The following GOLGA1 variants were observed in gnomAD, a reference collection of about 807,000 sequenced individuals.
GOLGA1 encodes golgin subfamily A member 1.
Under a neutral mutation model 119.7 loss-of-function variants are expected in GOLGA1, and 63 were observed. The ratio of observed to expected loss-of-function variants is 0.53; its 90% CI spans 0.43 to 0.65. The LOEUF (loss-of-function observed/expected upper bound fraction) is 0.65, where lower values mean the gene tolerates loss of function less well. Ranked by LOEUF, GOLGA1 falls within the 30% of genes least tolerant of loss-of-function variation. GOLGA1 has a pLI of 0.00. For missense variants in GOLGA1, 798 were observed against 912.8 expected, an observed-to-expected ratio of 0.87 and a Z score of 1.62; for synonymous variants, 318 against 333.4, an observed-to-expected ratio of 0.95 and a Z score of 0.50.
intron 19 of GOLGA1, among the ~76,000 whole-genome samples, chr9:124,885,110 C>T (rs1379386111): frequency 3.9e-5 from 6 of 152,130 alleles, no homozygotes; most frequent in African/African-American, 1.4e-4. Flanking sequence ...GGGCAGATCA[C>T]GAGGTCAAGA....
rs887000059 is a variant in GOLGA1, at chr9:124,879,610, G to A, written c.*920C>T. Reference sequence around the variant, plus strand: ...AGCACAGAATCAAGACAAAGCACACGAGATCCCACTGCACTTCAGAGGGAG... The same window carrying A: ...AGCACAGAATCAAGACAAAGCACACAAGATCCCACTGCACTTCAGAGGGAG... On this transcript the variant is annotated 3_prime_UTR_variant, in exon 23 of 23. Transcript: ENST00000373555. 1 of 151,224 alleles carries A rather than the reference G, an allele frequency of 6.6e-6. No homozygotes were observed. Among genetic ancestry groups the A allele is most frequent in the Non-Finnish European group, 1.5e-5 (1 of 67,906 alleles). 9.4% of individuals were successfully genotyped at this position (151,224 alleles called of 1,614,324 possible).
At chr9:124,911,258 G>A (rs1438680042) in intron 11 of GOLGA1, among the ~76,000 whole-genome samples, 2 of 152,188 alleles carry the variant, frequency 1.3e-5, no homozygotes, top group Non-Finnish European at 2.9e-5. Context: ...AAACCCTGAA[G>A]TACAACCAGT....
chr9:124,921,514 G>A (rs1830568905), intron 9 of GOLGA1, among the ~76,000 whole-genome samples: 1 of 152,194 alleles, frequency 6.6e-6, no homozygotes, highest in Admixed American at 6.5e-5. Flanking sequence ...TCAGCAGGGT[G>A]GAACTGTCCT....
upstream of GOLGA1, among the ~76,000 whole-genome samples, chr9:124,941,975 T>C (rs1831045074): frequency 6.6e-6 from 1 of 152,080 alleles, no homozygotes; most frequent in Non-Finnish European, 1.5e-5. Context: ...AAAACTATCT[T>C]GTTCCAAGTC....
chr9:124,931,268 G>A, intron 4 of GOLGA1, 48 bp downstream of exon 4: 1 of 866,854 alleles, frequency 1.2e-6, no homozygotes, highest in Non-Finnish European at 2.0e-6. Flanking sequence ...AGAGAGTCAA[G>A]CAAGGCAAGT....
At chr9:124,913,420 T>C (rs535171513) in intron 10 of GOLGA1, among the ~76,000 whole-genome samples, 2 of 152,328 alleles carry the variant, frequency 1.3e-5, no homozygotes, top group East Asian at 3.9e-4. Context: ...CTTGTACCTC[T>C]TTACATGTAC....
intron 10 of GOLGA1, among the ~76,000 whole-genome samples, chr9:124,915,675 T>A (rs755908525): frequency 2.6e-5 from 4 of 152,058 alleles, no homozygotes; most frequent in Non-Finnish European, 1.5e-5. Flanking sequence ...CACAGGGAGA[T>A]CTTTTCTCTA....
upstream of GOLGA1, chr9:124,943,996 A>G (rs1011870161): frequency 1.3e-4 from 20 of 152,346 alleles, no homozygotes; most frequent in African/African-American, 4.6e-4. Flanking sequence ...AAACTCTACT[A>G]TGAAAATGTT....
At chr9:124,906,221 G>C (rs1210465455) in intron 12 of GOLGA1, among the ~76,000 whole-genome samples, 1 of 151,414 alleles carries the variant, frequency 6.6e-6, no homozygotes, top group Non-Finnish European at 1.5e-5. Context: ...ATCACCTAAG[G>C]TCAGGAGTTT....
At position 124,933,413 on chromosome 9, in the gene GOLGA1, ATTAT is replaced by A. The variant is rs373483012; in HGVS notation, c.136-2011_136-2008del. 1.6e-3 allele frequency among the ~76,000 whole-genome samples: 247 copies of A among 151,446 alleles called. 2 individuals carry two copies. Among genetic ancestry groups the A allele is most frequent in the African/African-American group, 5.7e-3 (235 of 41,086 alleles). On this transcript the variant is annotated intron_variant, in intron 3 of 22. Coordinates refer to ENST00000373555, the MANE Select transcript of GOLGA1 (RefSeq NM_002077.4). ...TACCTGGTTTCCTTCTGGAGTCTGGATTATTTATTTATTTATTTATTTATTTAGA... is the reference window on the plus strand; with the variant it reads ...TACCTGGTTTCCTTCTGGAGTCTGGATTATTTATTTATTTATTTATTTAGA...
intron 10 of GOLGA1, among the ~76,000 whole-genome samples, chr9:124,918,538 C>T (rs1830496615): frequency 6.6e-6 from 1 of 152,018 alleles, no homozygotes; most frequent in African/African-American, 2.4e-5. Context: ...CCGAGGTGGG[C>T]AGATCACTTG....
intron 3 of GOLGA1, among the ~76,000 whole-genome samples, chr9:124,936,204 T>C (rs932334472): frequency 1.3e-5 from 2 of 152,212 alleles, no homozygotes; most frequent in Admixed American, 1.3e-4. Flanking sequence ...TTCAGCCCGA[T>C]GCTCAAATGT....
intron 3 of GOLGA1, among the ~76,000 whole-genome samples, chr9:124,937,210 T>C (rs1478052312): frequency 1.3e-5 from 2 of 152,160 alleles, no homozygotes; most frequent in African/African-American, 2.4e-5. Flanking sequence ...TCCTAGCACT[T>C]TGGGAGACCG....
upstream of GOLGA1, chr9:124,945,063 T>A (rs2131558717): frequency 6.6e-6 from 1 of 152,306 alleles, no homozygotes; most frequent in South Asian, 2.1e-4. Context: ...AAAAGATGAT[T>A]GTCGTAGTAG....
At chr9:124,884,787 G>T (rs1829679113) in intron 19 of GOLGA1, among the ~76,000 whole-genome samples, 1 of 152,144 alleles carries the variant, frequency 6.6e-6, no homozygotes, top group African/African-American at 2.4e-5. Flanking sequence ...CGTTATTTTG[G>T]TTTCCTGGAT....
Position 124,881,213 on chromosome 9 carries a change from G to A in GOLGA1, c.2181C>T (p.Ser727=). The part of the protein sequence containing the change: ...IKAVSVLLNF[S]QEEENMLKET... ...CCTTGAGCATGTTCTCCTCCTCTTG[G>A]GAAAAGTTCAGCAACACTGACACAG... The change falls in exon 22 of 23, where the codon TCC becomes TCT. Residue 727 remains serine (S), a synonymous_variant. Transcript: ENST00000373555. This position sits in a 1 kb window ranked among gnomAD's most constrained non-coding sequence, Gnocchi z 4.9. 3.1e-6 allele frequency: 5 copies of A among 1,605,224 alleles called. No homozygotes were observed. Among genetic ancestry groups the A allele is most frequent in the Non-Finnish European group, 4.3e-6 (5 of 1,171,814 alleles).
In GOLGA1 at chr9:124,912,022, G is replaced by A; in HGVS notation, c.848C>T (p.Thr283Ile). The A allele has an allele frequency of 6.2e-7, 1 of 1,613,278 alleles. No homozygotes were observed. The highest frequency in any genetic ancestry group is 1.7e-5 in the Admixed American group (1 of 60,010). The change falls in exon 11 of 23, where the codon ACT becomes ATT. Residue 283 changes from threonine (T) to isoleucine (I), a missense_variant. Physicochemically the swap from Thr to Ile is moderately conservative, Grantham distance 89. Transcript: ENST00000373555. The part of the protein sequence containing the change: ...QQLSIDLQKV[T>I]AETQEKEDVI... ...GTCTTCTTTCTCTTGAGTTTCAGCA[G>A]TGACCTGCAGGTGAAAGCAGAGATC...
chr9:124,918,901 T>C (rs946973743), intron 10 of GOLGA1, among the ~76,000 whole-genome samples: 6 of 152,194 alleles, frequency 3.9e-5, no homozygotes, highest in Non-Finnish European at 7.3e-5. Context: ...TCTAGGAAGA[T>C]TTCCTTGACT....
chr9:124,946,427 TTAAGA>T lies in GOLGA1; in HGVS notation c.-156+1486_-156+1490del, dbSNP rs1564352112. On this transcript the variant is annotated intron_variant, in intron 1 of 4. Coordinates refer to the GOLGA1 transcript ENST00000421514. This position sits in a 1 kb window ranked among gnomAD's most constrained non-coding sequence, Gnocchi z 4.0. ...AGACTCCTGAGATAATTTCTCTATT[TTAAGA>T]TAATATTGGATCAGATAGATTTAAT... is the stretch of plus-strand genomic sequence containing the variant. 1 of 152,198 alleles carries T rather than the reference TTAAGA, an allele frequency of 6.6e-6. No individual in the cohort carries two copies. Among genetic ancestry groups the T allele is most frequent in the African/African-American group, 2.4e-5 (1 of 41,448 alleles). The allele number at this position is 152,198 out of a possible 1,614,324, so 9.4% of individuals were successfully genotyped here. A position where few individuals can be genotyped will look rare whatever the true frequency, so the allele number is the denominator to read the frequency against.
Sources: gnomAD v4.1 joint callset for allele counts (sites outside exome capture counted in the v4.1 genomes callset) on GRCh38, gnomAD v4.1.1 for gene constraint, Gnocchi (gnomAD v3.1) non-coding constraint, MANE v1.5 for transcripts, NCBI Gene and HGNC (gene_info 2026-07-23, HGNC 2026-07-21) for gene names.